The following SLC44A5 variants were observed in gnomAD, a reference collection of about 807,000 sequenced individuals.
SLC44A5 encodes solute carrier family 44 member 5.
A neutral mutation model predicts 101.8 loss-of-function variants in SLC44A5; 57 were observed. The observed-to-expected ratio is 0.56, with a 90% CI of 0.45 to 0.70. SLC44A5 has a LOEUF of 0.70. Among genes scored for constraint, SLC44A5 ranks in the 30% least tolerant of loss-of-function variants. SLC44A5 has a pLI of 0.00. For synonymous variants in SLC44A5, 281 were observed against 290.9 expected, an observed-to-expected ratio of 0.97 and a Z score of 0.35; for missense variants, 737 against 853.1, an observed-to-expected ratio of 0.86 and a Z score of 1.70.
At chr1:75,487,303 A>C (rs1000690991) in intron 2 of SLC44A5, among the ~76,000 whole-genome samples, 41 of 152,276 alleles carry the variant, frequency 2.7e-4, no homozygotes, top group Middle Eastern at 6.8e-3. Context: ...GTAGTGAAAA[A>C]CTGGCAACTC....
chr1:75,594,555 C>A (rs1190267700), intron 1 of SLC44A5, among the ~76,000 whole-genome samples: 3 of 151,908 alleles, frequency 2.0e-5, no homozygotes, highest in African/African-American at 7.2e-5. Flanking sequence ...AGTATGTCAA[C>A]TGTAAAATGG....
At chr1:75,682,679 C>T in the SLC44A5 span, among the ~76,000 whole-genome samples, 1 of 151,628 alleles carries the variant, frequency 6.6e-6, no homozygotes, top group African/African-American at 2.4e-5. Context: ...CAATACCATT[C>T]AGGACATAGG....
chr1:75,682,457 T>C, the SLC44A5 span, among the ~76,000 whole-genome samples: 1 of 151,806 alleles, frequency 6.6e-6, no homozygotes, highest in Non-Finnish European at 1.5e-5. Flanking sequence ...GCCACATATC[T>C]ACAACTATCT....
chr1:75,701,309 T>A, the SLC44A5 span, among the ~76,000 whole-genome samples: 1 of 152,204 alleles, frequency 6.6e-6, no homozygotes, highest in Non-Finnish European at 1.5e-5. Context: ...TTGTCCACCA[T>A]GATCGAATGG....
At chr1:75,461,000 A>G (rs1012769678) in intron 2 of SLC44A5, among the ~76,000 whole-genome samples, 7 of 152,146 alleles carry the variant, frequency 4.6e-5, no homozygotes, top group African/African-American at 1.7e-4. Context: ...TTACAGATGT[A>G]TATCACCATA....
intron 7 of SLC44A5, among the ~76,000 whole-genome samples, chr1:75,246,137 C>G (rs1649088333): frequency 6.6e-6 from 1 of 152,102 alleles, no homozygotes; most frequent in African/African-American, 2.4e-5. Context: ...GCATAAAGCT[C>G]TGTATTACCA....
intron 23 of SLC44A5, among the ~76,000 whole-genome samples, chr1:75,204,135 T>C (rs1470973973): frequency 6.6e-6 from 1 of 152,214 alleles, no homozygotes; most frequent in East Asian, 1.9e-4. Context: ...CCTTCTTTTT[T>C]TCAATTTACT....
chr1:75,689,878 G>T, the SLC44A5 span, among the ~76,000 whole-genome samples: 3 of 152,206 alleles, frequency 2.0e-5, no homozygotes, highest in East Asian at 5.8e-4. Flanking sequence ...CTTCTAGGTT[G>T]CAACAGTTCC....
At chr1:75,399,533 T>C (rs1557744163) in intron 2 of SLC44A5, among the ~76,000 whole-genome samples, 1 of 152,154 alleles carries the variant, frequency 6.6e-6, no homozygotes, top group Non-Finnish European at 1.5e-5. Flanking sequence ...GGCCCTGGAT[T>C]AGACCCTGAT....
intron 11 of SLC44A5, 37 bp downstream of exon 11, chr1:75,236,950 G>C (rs749893061): frequency 3.6e-5 from 40 of 1,112,262 alleles, no homozygotes; most frequent in Non-Finnish European, 5.1e-5. Context: ...AAATCAGAAT[G>C]GGGCTGGAGA....
At chr1:75,399,256 T>C (rs938486960) in intron 2 of SLC44A5, among the ~76,000 whole-genome samples, 3 of 152,152 alleles carry the variant, frequency 2.0e-5, no homozygotes, top group African/African-American at 7.2e-5. Context: ...TCTCCTGATG[T>C]AAGGCAATAG....
At chr1:75,259,619 C>T (rs1251032931) in intron 6 of SLC44A5, among the ~76,000 whole-genome samples, 1 of 152,124 alleles carries the variant, frequency 6.6e-6, no homozygotes, top group Non-Finnish European at 1.5e-5. Flanking sequence ...GGATATTAGC[C>T]AGGAGAACTT....
At chr1:75,249,113 G>A (rs1420677645) in intron 7 of SLC44A5, among the ~76,000 whole-genome samples, 1 of 152,094 alleles carries the variant, frequency 6.6e-6, no homozygotes, top group Non-Finnish European at 1.5e-5. Flanking sequence ...CCTTGGGGAC[G>A]TGGGTAGAAG....
the SLC44A5 span, among the ~76,000 whole-genome samples, chr1:75,629,533 G>A: frequency 5.3e-5 from 8 of 151,770 alleles, no homozygotes; most frequent in South Asian, 6.2e-4. Flanking sequence ...ACTGTACACA[G>A]CCACAGTTGA....
intron 2 of SLC44A5, among the ~76,000 whole-genome samples, chr1:75,528,182 GA>G (rs1670524233): frequency 6.6e-6 from 1 of 152,150 alleles, no homozygotes; most frequent in Non-Finnish European, 1.5e-5. Flanking sequence ...ATCCTGTTGT[GA>G]TGCCAAGATC....
chr1:75,480,939 T>A (rs1667804622), intron 2 of SLC44A5, among the ~76,000 whole-genome samples: 1 of 152,198 alleles, frequency 6.6e-6, no homozygotes, highest in African/African-American at 2.4e-5. Flanking sequence ...AGAGCCCTCA[T>A]CGTCAAGTCA....
intron 2 of SLC44A5, among the ~76,000 whole-genome samples, chr1:75,498,796 C>G (rs770274825): frequency 6.6e-6 from 1 of 152,118 alleles, no homozygotes; most frequent in Non-Finnish European, 1.5e-5. Context: ...ACTCATAGAT[C>G]ATAAGTACAC....
At chr1:75,653,430 C>T in the SLC44A5 span, among the ~76,000 whole-genome samples, 39,781 of 152,002 alleles carry the variant, frequency 0.26, 6,481 homozygotes, top group East Asian at 0.68. Flanking sequence ...TGTAGTGAGC[C>T]AAGATTGCCC....
At chr1:75,671,948 A>G in the SLC44A5 span, among the ~76,000 whole-genome samples, 1 of 152,220 alleles carries the variant, frequency 6.6e-6, no homozygotes, top group Non-Finnish European at 1.5e-5. Flanking sequence ...ATAACCTTAC[A>G]TCATACAGAA....
Sources: allele counts gnomAD v4.1 joint callset (sites outside exome capture counted in the v4.1 genomes callset), GRCh38; gene constraint gnomAD v4.1.1; transcripts MANE v1.5; gene names NCBI Gene and HGNC (gene_info 2026-07-23, HGNC 2026-07-21).